Variants in ZBTB43 observed in about 807,000 individuals in gnomAD.
The protein encoded by ZBTB43 is zinc finger and BTB domain-containing protein 43.
In ZBTB43, 6 loss-of-function variants were observed where a neutral mutation model predicts 31.1. That is an observed-to-expected ratio of 0.19 (90% CI 0.11 to 0.38). The LOEUF (loss-of-function observed/expected upper bound fraction) is 0.38. ZBTB43 is among the 10% of genes least tolerant of loss of function. The pLI, the probability that ZBTB43 is intolerant of heterozygous loss-of-function variation, is 1.00. For missense variants in ZBTB43, 379 were observed against 602.1 expected, an observed-to-expected ratio of 0.63 and a Z score of 3.88; for synonymous variants, 212 against 221.7, an observed-to-expected ratio of 0.96 and a Z score of 0.39.
Position 126,833,782 on chromosome 9 carries a change from A to G in ZBTB43, c.1273A>G (p.Ile425Val), listed in dbSNP as rs1236725758. The G allele has an allele frequency of 3.1e-6, 5 of 1,612,076 alleles. No individual in the cohort carries two copies. The highest frequency in any genetic ancestry group is 4.2e-6 in the Non-Finnish European group (5 of 1,178,326). Residue 425 changes from isoleucine to valine, a missense_variant, in exon 3 of 3, where the codon ATA (isoleucine) becomes GTA (valine). By Grantham distance (29) the Ile-to-Val change is conservative. Around this residue, in one of 5 missense-constraint regions of ZBTB43, gnomAD observed 23 missense variants for 105.1 expected, o/e 0.22. Transcript: ENST00000373464. This position sits in a 1 kb window ranked among gnomAD's most constrained non-coding sequence, Gnocchi z 7.9. ...GGGCCACATGAAAATTCACACAGGCATAAAGCCGTATGAGTGTAATATCTG... is the reference window on the plus strand; with the variant it reads ...GGGCCACATGAAAATTCACACAGGCGTAAAGCCGTATGAGTGTAATATCTG... ...LVGHMKIHTG[I>V]KPYECNICAK...
In ZBTB43 at chr9:126,816,284, A is replaced by AT. The variant is rs199536068; in HGVS notation, c.-24+7376dup. Among the ~76,000 whole-genome samples, 573 of 151,708 alleles carry AT rather than the reference A, an allele frequency of 3.8e-3. 6 individuals carry two copies. The highest frequency in any genetic ancestry group is 0.013 in the African/African-American group (530 of 41,324). On this transcript the variant is annotated intron_variant, in intron 2 of 2. Transcript: ENST00000373464. ...AAGTGCCTTCCACATTATCGATTCC[A>AT]TTTTTTTACTGTTGTAATTCTGCTT... is the stretch of plus-strand genomic sequence containing the variant.
chr9:126,828,735 G>T (rs2032705956), intron 2 of ZBTB43, among the ~76,000 whole-genome samples: 1 of 150,552 alleles, frequency 6.6e-6, no homozygotes, highest in East Asian at 1.9e-4. Flanking sequence ...AAGAGTAAAA[G>T]CAAAGAGTAC....
Position 126,814,582 on chromosome 9 carries a change from A to G in ZBTB43, c.-24+5667A>G, listed in dbSNP as rs547410546. 2.4e-4 allele frequency among the ~76,000 whole-genome samples: 36 copies of G among 152,162 alleles called. No homozygotes were observed. In the South Asian group the frequency reaches 7.3e-3, roughly 31 times the overall value. ...GCCGAGGTGGGCAGATCACGAGGTC[A>G]GGAGATCGAGACCATCCTGGCTAAC... On this transcript the variant is annotated intron_variant, in intron 2 of 2. Coordinates refer to ENST00000373464, the MANE Select transcript of ZBTB43 (RefSeq NM_014007.4).
intron 2 of ZBTB43, among the ~76,000 whole-genome samples, chr9:126,820,967 C>CAAAA (rs36023653): frequency 0.014 from 1,152 of 83,424 alleles, 15 homozygotes; most frequent in Non-Finnish European, 0.015. Flanking sequence ...ACCCCCATCT[C>CAAAA]AAAAAAAAAA....
chr9:126,819,106 T>C (rs1724733601), intron 2 of ZBTB43, among the ~76,000 whole-genome samples: 1 of 152,150 alleles, frequency 6.6e-6, no homozygotes, highest in African/African-American at 2.4e-5. Context: ...CTACATTCAT[T>C]TCATTGTGGT....
intron 2 of ZBTB43, among the ~76,000 whole-genome samples, chr9:126,818,562 A>T (rs1369945908): frequency 6.6e-6 from 1 of 152,168 alleles, no homozygotes; most frequent in Non-Finnish European, 1.5e-5. Context: ...TGTTTTTGTC[A>T]TGAAAGGGTG....
At chr9:126,815,267 TAAAAC>T in intron 2 of ZBTB43, among the ~76,000 whole-genome samples, 9 of 128,332 alleles carry the variant, frequency 7.0e-5, no homozygotes, top group African/African-American at 2.6e-4. Flanking sequence ...TTTCAATATA[TAAAAC>T]TATATATATA....
At chr9:126,817,737 A>G (rs1284148674) in intron 2 of ZBTB43, among the ~76,000 whole-genome samples, 1 of 152,128 alleles carries the variant, frequency 6.6e-6, no homozygotes, top group Non-Finnish European at 1.5e-5. Flanking sequence ...CGGCCTCCCA[A>G]AGTGCTGGGA....
chr9:126,811,261 T>C (rs2032242703), intron 2 of ZBTB43, among the ~76,000 whole-genome samples: 1 of 152,062 alleles, frequency 6.6e-6, no homozygotes, highest in Admixed American at 6.6e-5. Flanking sequence ...TCACCTTTTC[T>C]TTCCACCTCT....
chr9:126,813,591 C>T (rs557329752), intron 2 of ZBTB43, among the ~76,000 whole-genome samples: 10 of 152,100 alleles, frequency 6.6e-5, no homozygotes, highest in Non-Finnish European at 1.5e-4. Context: ...GGTAATTTCA[C>T]CATAATCTAG....
upstream of ZBTB43, among the ~76,000 whole-genome samples, chr9:126,804,307 G>A (rs1486667508): frequency 6.6e-6 from 1 of 152,130 alleles, no homozygotes; most frequent in Non-Finnish European, 1.5e-5. Context: ...CCCACGGAAA[G>A]GCACTGGTCC....
Position 126,833,052 on chromosome 9 carries a change from C to T in ZBTB43, c.543C>T (p.Thr181=). The T allele has an allele frequency of 6.2e-7, 1 of 1,613,972 alleles. No individual in the cohort carries two copies. The change falls in exon 3 of 3, where the codon ACC becomes ACT. Residue 181 remains threonine, a synonymous_variant. Transcript: ENST00000373464. This position sits in a 1 kb window ranked among gnomAD's most constrained non-coding sequence, Gnocchi z 7.9. ...ATGGTGAAAATGAAGAGGAGAGCAC[C>T]AAAGACGAGCTGTCATCCCAGCTCA... ...LRDGENEEES[T]KDELSSQLTE...
intron 2 of ZBTB43, among the ~76,000 whole-genome samples, chr9:126,812,662 A>G (rs1426093614): frequency 6.6e-6 from 1 of 152,194 alleles, no homozygotes; most frequent in African/African-American, 2.4e-5. Context: ...TCTAATTACT[A>G]ATGATGTTGA....
chr9:126,808,214 T>C (rs1480901083), intron 1 of ZBTB43, among the ~76,000 whole-genome samples: 1 of 152,208 alleles, frequency 6.6e-6, no homozygotes, highest in Non-Finnish European at 1.5e-5. Context: ...GAACGTTACC[T>C]TCTCTTTTGA....
At position 126,835,845 on chromosome 9, in the gene ZBTB43, CACGTAT is replaced by C. The variant is rs2032869070; in HGVS notation, c.*1935_*1940del. 6.0e-6 allele frequency: 1 copy of C among 166,890 alleles called. No individual in the cohort carries two copies. The highest frequency in any genetic ancestry group is 2.4e-5 in the African/African-American group (1 of 41,408). The allele number at this position is 166,890 out of a possible 1,614,324, so 10.3% of individuals were successfully genotyped here. ...CAGTCTTTTCTCTGTGTACCTGACA[CACGTAT>C]ACTGAGGGGATTGTACAATCAAGCC... is the stretch of plus-strand genomic sequence containing the variant. On this transcript the variant is annotated 3_prime_UTR_variant, in exon 3 of 3. Transcript: ENST00000373464.
intron 2 of ZBTB43, among the ~76,000 whole-genome samples, chr9:126,812,915 T>C (rs1040257324): frequency 6.6e-6 from 1 of 152,144 alleles, no homozygotes; most frequent in African/African-American, 2.4e-5. Flanking sequence ...CTGCTGTATC[T>C]TCCTGCTGAC....
intron 2 of ZBTB43, among the ~76,000 whole-genome samples, chr9:126,818,504 C>CA (rs1365615362): frequency 6.6e-6 from 1 of 152,112 alleles, no homozygotes; most frequent in African/African-American, 2.4e-5. Flanking sequence ...CTCGGCCTCC[C>CA]AAAGTGCTAG....
At chr9:126,828,791 G>A (rs1362768046) in intron 2 of ZBTB43, among the ~76,000 whole-genome samples, 1 of 151,700 alleles carries the variant, frequency 6.6e-6, no homozygotes, top group Non-Finnish European at 1.5e-5. Context: ...TATAAAATCA[G>A]CTAACTGAAA....
chr9:126,811,898 A>G (rs1456502859), intron 2 of ZBTB43, among the ~76,000 whole-genome samples: 1 of 152,242 alleles, frequency 6.6e-6, no homozygotes, highest in Non-Finnish European at 1.5e-5. Context: ...TGCTGGGATT[A>G]CAGGCGTGAG....
Sources: allele counts gnomAD v4.1 joint callset (sites outside exome capture counted in the v4.1 genomes callset), GRCh38; gene constraint gnomAD v4.1.1; regional missense constraint gnomAD v4.1.1; non-coding constraint Gnocchi (gnomAD v3.1); transcripts MANE v1.5; gene names NCBI Gene and HGNC (gene_info 2026-07-23, HGNC 2026-07-21).